The following MACF1 variants were observed in gnomAD, a reference collection of about 807,000 sequenced individuals.
MACF1 encodes the protein microtubule-actin cross-linking factor 1.
A neutral mutation model predicts 854.8 loss-of-function variants in MACF1; 193 were observed. The ratio of observed to expected loss-of-function variants is 0.23; its 90% CI spans 0.20 to 0.25. The LOEUF (loss-of-function observed/expected upper bound fraction) is 0.25, where lower values mean the gene tolerates loss of function less well. MACF1 is among the 10% of genes least tolerant of loss of function. The pLI is 1.00. For missense variants in MACF1, 7,722 were observed against 8,929.1 expected (o/e 0.86, Z 5.45); for synonymous variants, 3,185 against 3,226.7 (o/e 0.99, Z 0.44).
At chr1:39,094,815 C>T (rs1464299861) in intron 2 of MACF1, among the ~76,000 whole-genome samples, 1 of 152,048 alleles carries the variant, frequency 6.6e-6, no homozygotes, top group Non-Finnish European at 1.5e-5. Context: ...TTGCTTGAGC[C>T]CGGGAGGTCA....
chr1:39,251,866 C>A lies in MACF1; in HGVS notation c.282C>A (p.Thr94=). 2.7e-6 allele frequency: 4 copies of A among 1,500,530 alleles called. No individual in the cohort carries two copies. The highest frequency in any genetic ancestry group is 2.1e-5 in the Admixed American group (1 of 47,558). 93.0% of individuals were successfully genotyped at this position (1,500,530 alleles called of 1,614,324 possible). A position where few individuals can be genotyped will look rare whatever the true frequency, so the allele number is the denominator to read the frequency against. Residue 94 remains threonine (T), a synonymous_variant, in exon 4 of 101, where the codon ACC becomes ACA. Coordinates refer to ENST00000564288, the MANE Select transcript of MACF1 (RefSeq NM_001394062.1). ...CAAAGGAGCCAGCAGGGCTGAAGAC[C>A]CTCCGTCTGGTGAGCATGCCCTCCT... The part of the protein sequence containing the change: ...GIKLEPAGLK[T]LRLVSMPSWC...
At chr1:39,289,249 T>C (rs1645716880) in intron 15 of MACF1, among the ~76,000 whole-genome samples, 2 of 152,224 alleles carry the variant, frequency 1.3e-5, no homozygotes, top group African/African-American at 4.8e-5. Flanking sequence ...TTTGAGTATA[T>C]ACCCAGCAGT....
chr1:39,474,784 CTG>C (rs1251976073), intron 97 of MACF1, among the ~76,000 whole-genome samples: 1 of 152,140 alleles, frequency 6.6e-6, no homozygotes, highest in East Asian at 1.9e-4. Flanking sequence ...CAGAGTGAGA[CTG>C]TATCTCAAGA....
chr1:39,244,574 C>T (rs1644961427), intron 2 of MACF1, among the ~76,000 whole-genome samples: 1 of 150,238 alleles, frequency 6.7e-6, no homozygotes, highest in South Asian at 2.1e-4. Flanking sequence ...AGCCACTGCA[C>T]CCAGCCATTT....
At position 39,486,016 on chromosome 1, in the gene MACF1, AGAAAT is replaced by A. The variant is rs1645097092; in HGVS notation, c.*228_*232del. ...GGTAACCCTGTAATGGATGGGGCCCAGAAATGAAATATTTGAGAAAAACAAGTGAA... is the reference window on the plus strand; with the variant it reads ...GGTAACCCTGTAATGGATGGGGCCCAGAAATATTTGAGAAAAACAAGTGAA... On this transcript the variant is annotated 3_prime_UTR_variant, in exon 101 of 101. Coordinates refer to ENST00000564288, the MANE Select transcript of MACF1 (RefSeq NM_001394062.1). 1 of 385,072 alleles carries A rather than the reference AGAAAT, an allele frequency of 2.6e-6. No individual in the cohort carries two copies. Among genetic ancestry groups the A allele is most frequent in the African/African-American group, 2.1e-5 (1 of 48,274 alleles). The allele number at this position is 385,072 out of a possible 1,614,324, so 23.9% of individuals were successfully genotyped here. A position where few individuals can be genotyped will look rare whatever the true frequency, so the allele number is the denominator to read the frequency against.
In MACF1 at chr1:39,370,041, C is replaced by G. The variant is rs145935087; in HGVS notation, c.12950C>G (p.Ala4317Gly). The G allele has an allele frequency of 1.9e-6, 3 of 1,610,168 alleles. No individual in the cohort carries two copies. Among genetic ancestry groups the G allele is most frequent in the Non-Finnish European group, 2.5e-6 (3 of 1,178,742 alleles). Residue 4317 changes from alanine (A) to glycine (G), a missense_variant, in exon 51 of 101, where the codon GCA (alanine) becomes GGA (glycine). Ala to Gly is a moderately conservative substitution (Grantham distance 60). Coordinates refer to ENST00000564288, the MANE Select transcript of MACF1 (RefSeq NM_001394062.1). Reference sequence around the variant, plus strand: ...TGCTTCATTGACAGAGAGAAAGATGCATCATCTTGCCAGGAACAGTTGGAT... The same window carrying G: ...TGCTTCATTGACAGAGAGAAAGATGGATCATCTTGCCAGGAACAGTTGGAT... ...QKTVKEREKD[A>G]SSCQEQLDEF...
rs756251477 is a variant in MACF1 at position 39,422,449 on chromosome 1, C to G, written c.15892C>G (p.Gln5298Glu). The G allele has an allele frequency of 9.9e-6, 16 of 1,613,830 alleles. No individual in the cohort carries two copies. Among genetic ancestry groups the G allele is most frequent in the African/African-American group, 2.7e-5 (2 of 74,882 alleles). Residue 5298 changes from glutamine to glutamate, a missense_variant, in exon 59 of 101, where the codon CAG (glutamine) becomes GAG (glutamate). Coordinates refer to ENST00000564288, the MANE Select transcript of MACF1 (RefSeq NM_001394062.1). ...QVNGLGQGLI[Q>E]SAGKDCDVQG... Reference sequence around the variant, plus strand: ...GAATGGACTTGGCCAGGGATTAATTCAGAGTGCAGGAAAAGACTGTGATGT... The same window carrying G: ...GAATGGACTTGGCCAGGGATTAATTGAGAGTGCAGGAAAAGACTGTGATGT...
intron 38 of MACF1, 71 bp from the exon 39 acceptor site, chr1:39,340,431 A>G (rs1646911946): frequency 9.2e-7 from 1 of 1,084,464 alleles, no homozygotes; most frequent in Non-Finnish European, 1.4e-6. Context: ...TGAGAGAGAA[A>G]TGTGTTCACA....
At chr1:39,284,563 C>T (rs1269551246) in intron 11 of MACF1, 135 bp downstream of exon 11, 4 of 494,060 alleles carry the variant, frequency 8.1e-6, no homozygotes, top group Non-Finnish European at 1.4e-5. Flanking sequence ...AATAATAGCA[C>T]CACTCTCAGG....
At chr1:39,312,787 T>A (rs1445996015) in intron 26 of MACF1, among the ~76,000 whole-genome samples, 1 of 152,146 alleles carries the variant, frequency 6.6e-6, no homozygotes, top group African/African-American at 2.4e-5. Flanking sequence ...ATCACACCAC[T>A]ACACTCCAGC....
chr1:39,382,656 C>CG (rs34033615), intron 56 of MACF1, among the ~76,000 whole-genome samples: 3,638 of 148,074 alleles, frequency 0.025, 115 homozygotes, highest in East Asian at 0.17. Flanking sequence ...GTGTCCTGTC[C>CG]GGACAGTAGA....
intron 6 of MACF1, among the ~76,000 whole-genome samples, chr1:39,262,131 A>G (rs1457250469): frequency 2.0e-5 from 3 of 152,058 alleles, no homozygotes; most frequent in South Asian, 2.1e-4. Flanking sequence ...GCTGAGTGCA[A>G]TGGCTCACAC....
chr1:39,269,836 C>G, intron 6 of MACF1: 1 of 823,694 alleles, frequency 1.2e-6, no homozygotes, highest in South Asian at 1.7e-5. Flanking sequence ...AACTTACCCC[C>G]ATGTGGGTTA....
intron 53 of MACF1, 120 bp from the exon 54 acceptor site, chr1:39,379,083 G>A (rs1649968145): frequency 3.8e-6 from 4 of 1,045,702 alleles, no homozygotes; most frequent in Admixed American, 5.2e-5. Context: ...TGATTTAGCA[G>A]GAAGATAATC....
chr1:39,096,537 C>T (rs894777944), intron 2 of MACF1, among the ~76,000 whole-genome samples: 4 of 150,064 alleles, frequency 2.7e-5, no homozygotes, highest in South Asian at 2.1e-4. Context: ...CGTAGTGAGT[C>T]GAGACTGCGC....
At chr1:39,353,538 C>G (rs765903620) in intron 44 of MACF1, among the ~76,000 whole-genome samples, 2 of 152,152 alleles carry the variant, frequency 1.3e-5, no homozygotes, top group African/African-American at 4.8e-5. Flanking sequence ...GCAGTCTCAT[C>G]TACTCACAAC....
At chr1:39,436,381 C>T in intron 70 of MACF1, 1 of 1,253,922 alleles carries the variant, frequency 8.0e-7, no homozygotes, top group Non-Finnish European at 1.2e-6. Context: ...CCATCTCTCA[C>T]TCACATTGTG....
chr1:39,428,312 G>C, intron 63 of MACF1, 25 bp downstream of exon 63: 1 of 1,551,316 alleles, frequency 6.4e-7, no homozygotes, highest in Non-Finnish European at 8.7e-7. Context: ...ATTTTTATTG[G>C]TTATGTTATT....
chr1:39,430,883 A>T lies in MACF1; in HGVS notation c.17312A>T (p.Asp5771Val). 1 of 1,612,446 alleles carries T rather than the reference A, an allele frequency of 6.2e-7. No homozygotes were observed. The highest frequency in any genetic ancestry group is 8.5e-7 in the Non-Finnish European group (1 of 1,179,948). Residue 5771 changes from aspartate to valine, a missense_variant, in exon 66 of 101, where the codon GAT becomes GTT. Physicochemically the swap from Asp to Val is radical, Grantham distance 152. Coordinates refer to ENST00000564288, the MANE Select transcript of MACF1 (RefSeq NM_001394062.1). Reference sequence around the variant, plus strand: ...ATTGGACAAAGGGTGGATGAAATTGATGCTGCTATTCAGAGATCACAACAG... The same window carrying T: ...ATTGGACAAAGGGTGGATGAAATTGTTGCTGCTATTCAGAGATCACAACAG... ...DTIGQRVDEI[D>V]AAIQRSQQYE...
Sources: allele counts gnomAD v4.1 joint callset (sites outside exome capture counted in the v4.1 genomes callset), GRCh38; gene constraint gnomAD v4.1.1; transcripts MANE v1.5; gene names NCBI Gene and HGNC (gene_info 2026-07-23, HGNC 2026-07-21).